The following NEK2 variants were observed in gnomAD, a reference collection of about 807,000 sequenced individuals.
NEK2 encodes the protein serine/threonine-protein kinase Nek2.
NEK2 carries 28 observed loss-of-function variants against 54.1 expected under a neutral mutation model. The ratio of observed to expected loss-of-function variants is 0.52; its 90% confidence interval spans 0.38 to 0.71. NEK2 has a LOEUF of 0.71. NEK2 is among the 30% of genes least tolerant of loss of function. NEK2 has a pLI of 0.00. For missense variants in NEK2, 407 were observed against 531.5 expected, an observed-to-expected ratio of 0.77 and a Z score of 2.30; for synonymous variants, 176 against 193.1, an observed-to-expected ratio of 0.91 and a Z score of 0.73.
chr1:211,666,122 T>C (rs1558227292), intron 7 of NEK2, among the ~76,000 whole-genome samples: 1 of 152,132 alleles, frequency 6.6e-6, no homozygotes, highest in Admixed American at 6.5e-5. Flanking sequence ...TTCTATAAAA[T>C]GGAGAATGTT....
chr1:211,659,727 T>A (rs916185968), downstream of NEK2, among the ~76,000 whole-genome samples: 1 of 152,192 alleles, frequency 6.6e-6, no homozygotes, highest in Non-Finnish European at 1.5e-5. Flanking sequence ...TAGAATGTCA[T>A]CAGCTGGAAG....
Position 211,671,126 on chromosome 1 carries a change from C to T in NEK2, c.638+76G>A, listed in dbSNP as rs369374611. 9.0e-5 allele frequency: 105 copies of T among 1,168,712 alleles called. 1 individual carries two copies. The highest frequency in any genetic ancestry group is 8.9e-4 in the African/African-American group (59 of 66,184). The allele number at this position is 1,168,712 out of a possible 1,614,324, so 72.4% of individuals were successfully genotyped here. A position where few individuals can be genotyped will look rare whatever the true frequency, so the allele number is the denominator to read the frequency against. On this transcript the variant is annotated intron_variant, in intron 4 of 7. Coordinates refer to ENST00000366999, the MANE Select transcript of NEK2 (RefSeq NM_002497.4). ...GAATATACTTTCGTTAGCACAGAGG[C>T]TCAAAAAACTGAACCCAGTGAAATG...
In NEK2 at chr1:211,671,221, A is replaced by G. The variant is rs1213878447; in HGVS notation, c.619T>C (p.Tyr207His). 1 of 1,612,914 alleles carries G rather than the reference A, an allele frequency of 6.2e-7. No homozygotes were observed. The highest frequency in any genetic ancestry group is 1.3e-5 in the African/African-American group (1 of 74,922). ...SDIWSLGCLL[Y>H]ELCALMPPFT... ...ACTTACATTAATGCACATAACTCAT[A>G]CAGCAAGCAGCCCAATGACCAGATA... The change falls in exon 4 of 8, where the codon TAT becomes CAT. Residue 207 changes from tyrosine (Y) to histidine (H), a missense_variant. Transcript: ENST00000366999.
At position 211,671,290 on chromosome 1, in the gene NEK2, C is replaced by T. The variant is rs1217532744; in HGVS notation, c.556-6G>A. ...GACATGCGATTCATTTGTTCCTATA[C>T]AGGGAAAAAGGGTAAGAAAGTGGAA... On this transcript the variant is annotated splice_polypyrimidine_tract_variant and splice_region_variant and intron_variant, in intron 3 of 7. Coordinates refer to ENST00000366999, the MANE Select transcript of NEK2 (RefSeq NM_002497.4). 3 of 1,607,928 alleles carry T rather than the reference C, an allele frequency of 1.9e-6. No individual in the cohort carries two copies.
At chr1:211,673,138 G>A (rs1446942202) in intron 3 of NEK2, among the ~76,000 whole-genome samples, 1 of 151,946 alleles carries the variant, frequency 6.6e-6, no homozygotes, top group East Asian at 1.9e-4. Flanking sequence ...GCTGGGCATG[G>A]TGGCTCACGC....
intron 5 of NEK2, 114 bp from the exon 6 acceptor site, chr1:211,669,446 C>G: frequency 1.1e-6 from 1 of 928,988 alleles, no homozygotes; most frequent in South Asian, 1.6e-5. Context: ...GAAAGGACTC[C>G]TTTATGGCTA....
At position 211,663,276 on chromosome 1, in the gene NEK2, A is replaced by T. The variant is rs1655066369; in HGVS notation, c.*150T>A. ...ACATTTTGTACAATAGTTGCTGAAG[A>T]ACAGTAAAACCAATTCCGAAATATC... On this transcript the variant is annotated 3_prime_UTR_variant, in exon 8 of 8. Transcript: ENST00000366999. 7.1e-7 allele frequency: 1 copy of T among 1,413,974 alleles called. No homozygotes were observed. Among genetic ancestry groups the T allele is most frequent in the Admixed American group, 3.0e-5 (1 of 33,196 alleles). 87.6% of individuals were successfully genotyped at this position (1,413,974 alleles called of 1,614,324 possible).
intron 1 of NEK2, among the ~76,000 whole-genome samples, chr1:211,674,801 T>C (rs1012073551): frequency 2.0e-5 from 3 of 152,164 alleles, no homozygotes; most frequent in African/African-American, 2.4e-5. Flanking sequence ...AAAGGTACTA[T>C]AGTCAAAATT....
chr1:211,664,778 C>T (rs929327256), intron 7 of NEK2, among the ~76,000 whole-genome samples: 2 of 152,234 alleles, frequency 1.3e-5, no homozygotes, highest in Non-Finnish European at 2.9e-5. Flanking sequence ...ACCACAAATA[C>T]CTTTACATTT....
At chr1:211,664,924 G>A (rs527672796) in intron 7 of NEK2, among the ~76,000 whole-genome samples, 1 of 152,326 alleles carries the variant, frequency 6.6e-6, no homozygotes, top group Non-Finnish European at 1.5e-5. Context: ...TACAGCCTTG[G>A]ACGCCTCGGC....
downstream of NEK2, chr1:211,661,127 G>A (rs535302465): frequency 9.4e-6 from 7 of 745,964 alleles, no homozygotes; most frequent in South Asian, 1.4e-5. Context: ...TGAGCTGGGC[G>A]ATAGCATCTC....
In NEK2 at chr1:211,675,399, C is replaced by T; in HGVS notation, c.81G>A (p.Arg27=). ...CCACGCTCACCTTGCCATCACTCTT[C>T]CTCCGGATCTTCTGGCAGCGGCCGT... ...GSYGRCQKIR[R]KSDGKILVWK... Residue 27 remains arginine (R), a synonymous_variant, in exon 1 of 8, where the codon AGG becomes AGA. Coordinates refer to ENST00000366999, the MANE Select transcript of NEK2 (RefSeq NM_002497.4). 1 of 1,613,904 alleles carries T rather than the reference C, an allele frequency of 6.2e-7. No homozygotes were observed. The highest frequency in any genetic ancestry group is 8.5e-7 in the Non-Finnish European group (1 of 1,179,770).
downstream of NEK2, chr1:211,661,213 T>C: frequency 1.4e-6 from 1 of 719,486 alleles, no homozygotes; most frequent in East Asian, 2.7e-5. Flanking sequence ...AAATCCTGTT[T>C]TTCTTGGGCA....
downstream of NEK2, among the ~76,000 whole-genome samples, chr1:211,659,914 C>T (rs1294264655): frequency 1.3e-5 from 2 of 150,794 alleles, no homozygotes; most frequent in Admixed American, 6.6e-5. Flanking sequence ...CTCCACCTCC[C>T]GGGCTCAGAC....
At position 211,669,102 on chromosome 1, in the gene NEK2, T is replaced by G. The variant is rs1331367714; in HGVS notation, c.985+11A>C. On this transcript the variant is annotated intron_variant, in intron 6 of 7. Transcript: ENST00000366999. ...TAGTTCTCCTTTGCTTTGACCCCCATTCAGACTTACGCTCCAATCTTTCTT... is the reference window on the plus strand; with the variant it reads ...TAGTTCTCCTTTGCTTTGACCCCCAGTCAGACTTACGCTCCAATCTTTCTT... The G allele has an allele frequency of 1.9e-6, 3 of 1,612,668 alleles. No individual in the cohort carries two copies. The highest frequency in any genetic ancestry group is 2.7e-5 in the African/African-American group (2 of 74,872).
Position 211,663,618 on chromosome 1 carries a change from C to A in NEK2, c.1146G>T (p.Lys382Asn). The A allele has an allele frequency of 6.2e-7, 1 of 1,613,722 alleles. No homozygotes were observed. Among genetic ancestry groups the A allele is most frequent in the South Asian group, 1.1e-5 (1 of 91,058 alleles). The change falls in exon 8 of 8, where the codon AAG becomes AAT. Residue 382 changes from lysine (K) to asparagine (N), a missense_variant. Transcript: ENST00000366999. ...LLNLPSSVIK[K>N]KVHFSGESKE... Reference sequence around the variant, plus strand: ...TACTTTCCCCACTGAAATGAACTTTCTTCTTAATTACTGAGGATGGAAGAT... The same window carrying A: ...TACTTTCCCCACTGAAATGAACTTTATTCTTAATTACTGAGGATGGAAGAT...
In NEK2 at chr1:211,663,095, A is replaced by C. The variant is rs1189934696; in HGVS notation, c.*331T>G. ...ATTCAGTGAGTGCTACTCTTCCTGC[A>C]TAAATATTTTTTTCCTAACATTATT... On this transcript the variant is annotated 3_prime_UTR_variant, in exon 8 of 8. Coordinates refer to ENST00000366999, the MANE Select transcript of NEK2 (RefSeq NM_002497.4). 1 of 1,061,268 alleles carries C rather than the reference A, an allele frequency of 9.4e-7. No homozygotes were observed. Among genetic ancestry groups the C allele is most frequent in the Non-Finnish European group, 1.1e-6 (1 of 876,076 alleles). The allele number at this position is 1,061,268 out of a possible 1,614,324, so 65.7% of individuals were successfully genotyped here.
At chr1:211,666,325 G>C (rs1655176999) in intron 7 of NEK2, 1 of 161,626 alleles carries the variant, frequency 6.2e-6, no homozygotes, top group Admixed American at 6.5e-5. Flanking sequence ...CAACTTGAAA[G>C]GGTGTTAGCA....
At chr1:211,668,816 G>A (rs542990150) in intron 6 of NEK2, among the ~76,000 whole-genome samples, 69 of 151,962 alleles carry the variant, frequency 4.5e-4, no homozygotes, top group African/African-American at 1.2e-3. Context: ...CAGTAGAGAC[G>A]AAAAAGAAAA....
Sources: allele counts gnomAD v4.1 joint callset (sites outside exome capture counted in the v4.1 genomes callset), GRCh38; gene constraint gnomAD v4.1.1; transcripts MANE v1.5; gene names NCBI Gene and HGNC (gene_info 2026-07-23, HGNC 2026-07-21).